LRRC4C: variants seen among roughly 807,000 people sequenced by gnomAD.
LRRC4C encodes the protein leucine rich repeat containing 4C, also known as leucine-rich repeat-containing protein 4C.
Under a neutral mutation model 33.6 loss-of-function variants are expected in LRRC4C, and 5 were observed. The observed-to-expected ratio is 0.15, with a 90% CI of 0.08 to 0.31. The LOEUF is 0.31. Among genes scored for constraint, LRRC4C ranks in the 10% least tolerant of loss-of-function variants. The probability of loss-of-function intolerance (pLI) is 1.00; values close to 1 mark genes in which losing one functional copy is unlikely to be tolerated. For missense variants in LRRC4C, 560 were observed against 796.7 expected (o/e 0.70, Z 3.58); for synonymous variants, 329 against 302.0 (o/e 1.09, Z -0.93).
intron 3 of LRRC4C, among the ~76,000 whole-genome samples, chr11:40,530,077 G>A (rs193067339): frequency 6.6e-6 from 1 of 152,180 alleles, no homozygotes; most frequent in African/African-American, 2.4e-5. Flanking sequence ...TTTTGGGAGA[G>A]CAATTCAAGA....
At chr11:41,226,975 C>A (rs1947570572) in intron 1 of LRRC4C, among the ~76,000 whole-genome samples, 1 of 151,968 alleles carries the variant, frequency 6.6e-6, no homozygotes, top group Admixed American at 6.6e-5. Context: ...TTCCTTTCAA[C>A]CCACAACCAC....
intron 4 of LRRC4C, among the ~76,000 whole-genome samples, chr11:40,297,257 G>C (rs1257731230): frequency 1.3e-5 from 2 of 152,118 alleles, no homozygotes; most frequent in African/African-American, 4.8e-5. Flanking sequence ...TCTTTATGCT[G>C]TGTTATAAAT....
intron 2 of LRRC4C, among the ~76,000 whole-genome samples, chr11:40,706,188 T>C (rs1946161170): frequency 6.6e-6 from 1 of 152,214 alleles, no homozygotes; most frequent in South Asian, 2.1e-4. Flanking sequence ...TGGTTTCTTT[T>C]GCTGTGCCAA....
chr11:40,838,692 C>A (rs950784737), intron 2 of LRRC4C, among the ~76,000 whole-genome samples: 1 of 151,520 alleles, frequency 6.6e-6, no homozygotes, highest in Non-Finnish European at 1.5e-5. Context: ...ACCCAAACAC[C>A]CACACACATA....
intron 2 of LRRC4C, among the ~76,000 whole-genome samples, chr11:40,663,319 G>A (rs1298557174): frequency 6.6e-6 from 1 of 152,154 alleles, no homozygotes; most frequent in Non-Finnish European, 1.5e-5. Flanking sequence ...CTAACCTTGT[G>A]ATCTGCCAGC....
chr11:40,273,431 A>G (rs1942858803), intron 4 of LRRC4C, among the ~76,000 whole-genome samples: 1 of 152,144 alleles, frequency 6.6e-6, no homozygotes, highest in Non-Finnish European at 1.5e-5. Context: ...TGCTTAATTC[A>G]GGACTCTTAA....
intron 2 of LRRC4C, among the ~76,000 whole-genome samples, chr11:40,740,175 C>T (rs375423846): frequency 1.3e-5 from 2 of 151,780 alleles, no homozygotes; most frequent in African/African-American, 4.8e-5. Context: ...TGGATATATA[C>T]CCAGAAGTAG....
At chr11:40,372,414 C>T (rs1412883479) in intron 3 of LRRC4C, among the ~76,000 whole-genome samples, 1 of 152,180 alleles carries the variant, frequency 6.6e-6, no homozygotes, top group Non-Finnish European at 1.5e-5. Context: ...GATTGTTACA[C>T]TTCTGCTGAT....
intron 1 of LRRC4C, among the ~76,000 whole-genome samples, chr11:41,285,514 C>G (rs1458831268): frequency 6.6e-6 from 1 of 152,162 alleles, no homozygotes; most frequent in Non-Finnish European, 1.5e-5. Context: ...GGAACACAGA[C>G]AGGGAGACAC....
At chr11:40,429,840 T>A (rs1290353613) in intron 3 of LRRC4C, among the ~76,000 whole-genome samples, 1 of 152,224 alleles carries the variant, frequency 6.6e-6, no homozygotes, top group Admixed American at 6.5e-5. Flanking sequence ...TGATTAGTGA[T>A]GTGCATAGAT....
chr11:40,990,514 T>C (rs1397647948), intron 1 of LRRC4C, among the ~76,000 whole-genome samples: 1 of 152,004 alleles, frequency 6.6e-6, no homozygotes, highest in Non-Finnish European at 1.5e-5. Flanking sequence ...CATTAATCAC[T>C]GGATCAGTGG....
intron 1 of LRRC4C, among the ~76,000 whole-genome samples, chr11:41,365,063 G>A (rs1020008695): frequency 1.3e-5 from 2 of 152,100 alleles, no homozygotes; most frequent in African/African-American, 4.8e-5. Flanking sequence ...TTTGTGGCCT[G>A]TTAGGAACTG....
intron 3 of LRRC4C, among the ~76,000 whole-genome samples, chr11:40,510,619 C>T (rs533421347): frequency 2.6e-4 from 40 of 152,216 alleles, no homozygotes; most frequent in African/African-American, 7.2e-4. Flanking sequence ...ACAGGTACTG[C>T]CTCTATCCGC....
At chr11:40,880,865 A>G (rs918745892) in intron 2 of LRRC4C, among the ~76,000 whole-genome samples, 7 of 147,720 alleles carry the variant, frequency 4.7e-5, no homozygotes, top group African/African-American at 1.5e-4. Context: ...GTGTGTGTGT[A>G]TATATATATA....
At chr11:40,590,194 T>C (rs796555310) in intron 3 of LRRC4C, among the ~76,000 whole-genome samples, 13,269 of 151,432 alleles carry the variant, frequency 0.088, 743 homozygotes, top group Middle Eastern at 0.13. Flanking sequence ...TTCTTTTTTC[T>C]CTAAACTTCC....
At chr11:40,194,375 T>C (rs2135653267) in intron 5 of LRRC4C, among the ~76,000 whole-genome samples, 1 of 152,238 alleles carries the variant, frequency 6.6e-6, no homozygotes. Flanking sequence ...GAAGGAGAAA[T>C]AAAATCTTTT....
chr11:40,131,046 G>A (rs185766554), intron 6 of LRRC4C, among the ~76,000 whole-genome samples: 23 of 152,234 alleles, frequency 1.5e-4, no homozygotes, highest in East Asian at 7.7e-4. Flanking sequence ...AAATGTTTGG[G>A]AATGTGTTCA....
At chr11:40,717,173 C>G (rs1041984449) in intron 2 of LRRC4C, among the ~76,000 whole-genome samples, 1 of 152,014 alleles carries the variant, frequency 6.6e-6, no homozygotes, top group Admixed American at 6.6e-5. Context: ...GGGCAAATTC[C>G]GTTTATTTGT....
chr11:40,562,055 T>C (rs1288976938), intron 3 of LRRC4C, among the ~76,000 whole-genome samples: 1 of 152,212 alleles, frequency 6.6e-6, no homozygotes, highest in African/African-American at 2.4e-5. Flanking sequence ...TAGACAACAC[T>C]TATGGCTGAT....
Sources: allele counts gnomAD v4.1 joint callset (sites outside exome capture counted in the v4.1 genomes callset), GRCh38; gene constraint gnomAD v4.1.1; transcripts MANE v1.5; gene names NCBI Gene and HGNC (gene_info 2026-07-23, HGNC 2026-07-21).